BTNL8: variants seen among roughly 807,000 people sequenced by gnomAD.
The protein encoded by BTNL8 is butyrophilin-like protein 8.
In BTNL8, 22 loss-of-function variants were observed where a neutral mutation model predicts 36.1. The ratio of observed to expected loss-of-function variants is 0.61; its 90% CI spans 0.44 to 0.87. The LOEUF is 0.87. BTNL8 is among the 40% of genes least tolerant of loss of function. The pLI is 0.00. For synonymous variants in BTNL8, 203 were observed against 235.6 expected (o/e 0.86, Z 1.27); for missense variants, 526 against 616.9 (o/e 0.85, Z 1.56).
chr5:180,927,084 A>G (rs192945946), intron 3 of BTNL8, among the ~76,000 whole-genome samples: 8 of 152,304 alleles, frequency 5.3e-5, no homozygotes, highest in Admixed American at 2.6e-4. Flanking sequence ...TCCGGCTGGC[A>G]TATGGTGGAT....
chr5:180,909,101 CAT>C (rs1757266641), intron 2 of BTNL8, among the ~76,000 whole-genome samples, 168 bp downstream of exon 2: 2 of 152,140 alleles, frequency 1.3e-5, no homozygotes, highest in African/African-American at 4.8e-5. Flanking sequence ...TGTTTTGTCA[CAT>C]GTTTAAATTC....
chr5:180,901,859 TAA>T (rs1315258137), intron 1 of BTNL8, among the ~76,000 whole-genome samples: 1 of 152,134 alleles, frequency 6.6e-6, no homozygotes. Flanking sequence ...ATGGAAAATA[TAA>T]GTCACACGTG....
chr5:180,944,742 A>G (rs993709321), intron 3 of BTNL8, among the ~76,000 whole-genome samples: 2 of 152,238 alleles, frequency 1.3e-5, no homozygotes, highest in Non-Finnish European at 2.9e-5. Flanking sequence ...TATTGTACAC[A>G]TATATCAAAG....
chr5:180,947,594 T>C lies in BTNL8; in HGVS notation c.756T>C (p.Val252=). The change falls in exon 4 of 8, where the codon GTT becomes GTC. Residue 252 remains valine (V), a synonymous_variant. Transcript: ENST00000340184. The part of the protein sequence containing the change: ...ILCCGLFFGI[V]GLKIFFSKFQ... ...GCTGTGGCCTATTTTTTGGCATTGT[T>C]GGACTGAAGATTTTCTTCTCCAAAT... is the stretch of plus-strand genomic sequence containing the variant. The C allele has an allele frequency of 6.2e-7, 1 of 1,614,242 alleles. No homozygotes were observed. The highest frequency in any genetic ancestry group is 8.5e-7 in the Non-Finnish European group (1 of 1,180,044).
rs201997180 is a variant in BTNL8 at position 180,948,877 on chromosome 5, G to A, written c.809-43G>A. 8.2e-4 allele frequency: 526 copies of A among 638,944 alleles called. 11 individuals are homozygous for A. The African/African-American group carries it at 0.013, about 15-fold the overall frequency. The allele number at this position is 638,944 out of a possible 1,614,324, so 39.6% of individuals were successfully genotyped here. ...CCTCCCTGGGCCCCCGCTCTGTGAC[G>A]TCAGCCTCTTACATGTTTTTTGTTT... On this transcript the variant is annotated intron_variant, in intron 5 of 7. Coordinates refer to ENST00000340184, the MANE Select transcript of BTNL8 (RefSeq NM_001040462.3).
At chr5:180,924,656 T>C (rs1048698556) in intron 3 of BTNL8, among the ~76,000 whole-genome samples, 1 of 152,150 alleles carries the variant, frequency 6.6e-6, no homozygotes, top group Non-Finnish European at 1.5e-5. Context: ...CTATATTAAA[T>C]AGTGAAGACC....
At chr5:180,915,436 G>A (rs148223770) in intron 3 of BTNL8, among the ~76,000 whole-genome samples, 103 of 152,330 alleles carry the variant, frequency 6.8e-4, no homozygotes, top group African/African-American at 2.3e-3. Context: ...ATAAATGCAA[G>A]GCTCTCAGCA....
At chr5:180,908,495 T>A in intron 1 of BTNL8, 91 bp from the exon 2 acceptor site, 1 of 1,249,790 alleles carries the variant, frequency 8.0e-7, no homozygotes. Flanking sequence ...CTGGGAGCTG[T>A]AGACCGGAGC....
chr5:180,947,870 C>A, intron 4 of BTNL8: 1 of 1,369,858 alleles, frequency 7.3e-7, no homozygotes, highest in Non-Finnish European at 9.9e-7. Flanking sequence ...ATTTTCAGTA[C>A]CTATAGAGAG....
chr5:180,940,590 A>T (rs190035059), intron 3 of BTNL8, among the ~76,000 whole-genome samples: 1 of 152,298 alleles, frequency 6.6e-6, no homozygotes. Flanking sequence ...CCAAAATTAT[A>T]AGACAAAAGA....
chr5:180,916,978 GCCAACAAACCAGA>G (rs1757658630), intron 3 of BTNL8, among the ~76,000 whole-genome samples: 7 of 151,932 alleles, frequency 4.6e-5, no homozygotes, highest in African/African-American at 1.5e-4. Context: ...AAAATCATAG[GCCAACAAACCAGA>G]TAACCTAGCA....
intron 3 of BTNL8, among the ~76,000 whole-genome samples, chr5:180,938,109 GAAGA>G (rs1461513550): frequency 3.0e-4 from 46 of 152,078 alleles, no homozygotes. Flanking sequence ...AGATAAATCA[GAAGA>G]AAGAATTTCT....
At chr5:180,902,345 G>T in intron 1 of BTNL8, 5 of 1,549,736 alleles carry the variant, frequency 3.2e-6, no homozygotes, top group Non-Finnish European at 4.4e-6. Context: ...CATTTCTGCA[G>T]GTGCTCCTCA....
In BTNL8 at chr5:180,935,919, C is replaced by CTT. The variant is rs199999371; in HGVS notation, c.674-11581_674-11580dup. ...AATACAAGAATGCCCATTCTTATAA[C>CTT]TTTTTTTTTTTTTGGTGTCTTGCTC... On this transcript the variant is annotated intron_variant, in intron 3 of 7. Coordinates refer to ENST00000340184, the MANE Select transcript of BTNL8 (RefSeq NM_001040462.3). The surrounding 1 kb of genome is among the most constrained non-coding windows in gnomAD (Gnocchi z 4.8). Among the ~76,000 whole-genome samples, 2 of 147,288 alleles carry CTT rather than the reference C, an allele frequency of 1.4e-5. No homozygotes were observed. Among genetic ancestry groups the CTT allele is most frequent in the South Asian group, 2.2e-4 (1 of 4,646 alleles).
chr5:180,949,187 C>T lies in BTNL8; in HGVS notation c.836-52C>T. 2.1e-6 allele frequency: 3 copies of T among 1,443,178 alleles called. No homozygotes were observed. The South Asian group carries it at 3.4e-5, about 16-fold the overall frequency. The allele number at this position is 1,443,178 out of a possible 1,614,324, so 89.4% of individuals were successfully genotyped here. A position where few individuals can be genotyped will look rare whatever the true frequency, so the allele number is the denominator to read the frequency against. On this transcript the variant is annotated intron_variant, in intron 6 of 7. Coordinates refer to ENST00000340184, the MANE Select transcript of BTNL8 (RefSeq NM_001040462.3). ...CCTTGGTCTTTCCCTTCTCCCTGCGCCCTGTTTCCCACGTGAGCACTGAAC... is the reference window on the plus strand; with the variant it reads ...CCTTGGTCTTTCCCTTCTCCCTGCGTCCTGTTTCCCACGTGAGCACTGAAC...
At chr5:180,948,659 G>C (rs1253958034) in intron 5 of BTNL8, 1 of 818,442 alleles carries the variant, frequency 1.2e-6, no homozygotes, top group East Asian at 3.0e-5. Context: ...TTGATCATGA[G>C]CTCTGAGGGT....
intron 3 of BTNL8, among the ~76,000 whole-genome samples, chr5:180,931,613 A>G (rs971861919): frequency 2.0e-5 from 3 of 151,972 alleles, no homozygotes; most frequent in African/African-American, 7.3e-5. Context: ...AATTTCCAAG[A>G]AAAAAAACAA....
intron 3 of BTNL8, among the ~76,000 whole-genome samples, chr5:180,937,634 G>A (rs571338423): frequency 1.4e-4 from 21 of 152,160 alleles, no homozygotes; most frequent in Admixed American, 1.1e-3. Flanking sequence ...ACTAACAGGT[G>A]GTTTATATAT....
intron 3 of BTNL8, among the ~76,000 whole-genome samples, chr5:180,921,660 T>TAC (rs201708722): frequency 0.071 from 10,389 of 146,216 alleles, 375 homozygotes; most frequent in African/African-American, 0.11. Context: ...CTGCTCATAC[T>TAC]ACACACACAC....
Sources: gnomAD v4.1 joint callset for allele counts (sites outside exome capture counted in the v4.1 genomes callset) on GRCh38, gnomAD v4.1.1 for gene constraint, Gnocchi (gnomAD v3.1) non-coding constraint, MANE v1.5 for transcripts, NCBI Gene and HGNC (gene_info 2026-07-23, HGNC 2026-07-21) for gene names.